Variants in KLHDC10 observed in about 807,000 individuals in gnomAD.
KLHDC10 encodes kelch domain containing 10.
KLHDC10 carries 24 observed loss-of-function variants against 56.1 expected under a neutral mutation model. The observed-to-expected ratio is 0.43, with a 90% CI of 0.31 to 0.60. The LOEUF is 0.60. Among genes scored for constraint, KLHDC10 ranks in the 20% least tolerant of loss-of-function variants. The probability of loss-of-function intolerance (pLI) is 0.11; values close to 1 mark genes in which losing one functional copy is unlikely to be tolerated. For synonymous variants in KLHDC10, 188 were observed against 207.1 expected, an observed-to-expected ratio of 0.91 and a Z score of 0.79; for missense variants, 349 against 567.0, an observed-to-expected ratio of 0.62 and a Z score of 3.91.
At chr7:130,079,301 G>A (rs942544732) in intron 1 of KLHDC10, among the ~76,000 whole-genome samples, 1 of 151,676 alleles carries the variant, frequency 6.6e-6, no homozygotes. Context: ...CAAGTGATTC[G>A]CCCACCTCGG....
intron 1 of KLHDC10, among the ~76,000 whole-genome samples, chr7:130,094,158 T>C (rs915455384): frequency 6.6e-6 from 1 of 152,150 alleles, no homozygotes; most frequent in African/African-American, 2.4e-5. Flanking sequence ...ACTCCTGGCC[T>C]CAAGTGATCT....
intron 1 of KLHDC10, among the ~76,000 whole-genome samples, chr7:130,078,032 A>G (rs1198377437): frequency 1.3e-5 from 2 of 152,038 alleles, no homozygotes; most frequent in African/African-American, 4.8e-5. Flanking sequence ...ATCATTACTG[A>G]ATAATGATAA....
At chr7:130,083,910 G>A (rs1034808746) in intron 1 of KLHDC10, among the ~76,000 whole-genome samples, 2 of 151,950 alleles carry the variant, frequency 1.3e-5, no homozygotes, top group African/African-American at 2.4e-5. Context: ...ATCCTTAGTC[G>A]TCTTTGTCAA....
intron 5 of KLHDC10, among the ~76,000 whole-genome samples, chr7:130,123,757 G>C (rs1220000581): frequency 6.6e-6 from 1 of 152,198 alleles, no homozygotes; most frequent in Non-Finnish European, 1.5e-5. Flanking sequence ...CAGCAACAAG[G>C]CCTTCAGGTA....
chr7:130,094,212 C>T (rs1795818793), intron 1 of KLHDC10, among the ~76,000 whole-genome samples: 1 of 152,168 alleles, frequency 6.6e-6, no homozygotes, highest in Admixed American at 6.5e-5. Flanking sequence ...AGGTGTGAGC[C>T]ACCACGCCAG....
intron 1 of KLHDC10, among the ~76,000 whole-genome samples, chr7:130,078,142 C>T (rs952391582): frequency 1.1e-4 from 16 of 150,456 alleles, no homozygotes; most frequent in African/African-American, 2.0e-4. Context: ...CTGAGGCGGG[C>T]GGATCACTTG....
rs960528905 is a variant in KLHDC10 at position 130,132,306 on chromosome 7, G to A, written c.*1560G>A. The A allele has an allele frequency of 2.0e-5, 3 of 152,164 alleles. No individual in the cohort carries two copies. Among genetic ancestry groups the A allele is most frequent in the Non-Finnish European group, 4.4e-5 (3 of 68,036 alleles). 9.4% of individuals were successfully genotyped at this position (152,164 alleles called of 1,614,324 possible). On this transcript the variant is annotated 3_prime_UTR_variant, in exon 10 of 10. Coordinates refer to ENST00000335420, the MANE Select transcript of KLHDC10 (RefSeq NM_014997.4). ...CCTCTTTTTTCACCTAGCTTTTAAA[G>A]TTATTCTTTGTCCTTCATCTCAGAA...
At chr7:130,121,060 G>T (rs1796241732) in intron 4 of KLHDC10, among the ~76,000 whole-genome samples, 157 bp downstream of exon 4, 1 of 152,040 alleles carries the variant, frequency 6.6e-6, no homozygotes. Flanking sequence ...ATTATAATTT[G>T]CAAATCTGGT....
chr7:130,125,505 TAC>T (rs1194952281), intron 6 of KLHDC10, among the ~76,000 whole-genome samples: 1 of 151,812 alleles, frequency 6.6e-6, no homozygotes, highest in Non-Finnish European at 1.5e-5. Context: ...ATCGCGTCAC[TAC>T]ACTCCAGCCT....
chr7:130,097,882 GAA>G (rs1795870928), intron 2 of KLHDC10, among the ~76,000 whole-genome samples: 3 of 152,078 alleles, frequency 2.0e-5, no homozygotes, highest in Admixed American at 2.0e-4. Context: ...ACTGAAAAAA[GAA>G]AATCTCAAAA....
In KLHDC10 at chr7:130,070,650, G is replaced by A; in HGVS notation, c.7G>A (p.Ala3Thr). The stretch of plus-strand genomic sequence containing the variant: ...CGGCAATCGTTAGCGGGTCATGTCG[G>A]CCGCCCAGGGCTGGGACAGGAACCG... The part of the protein sequence containing the change: MS[A>T]AQGWDRNRRR... Residue 3 changes from alanine (A) to threonine (T), a missense_variant, in exon 1 of 10, where the codon GCC becomes ACC. Coordinates refer to ENST00000335420, the MANE Select transcript of KLHDC10 (RefSeq NM_014997.4). 2 of 1,311,154 alleles carry A rather than the reference G, an allele frequency of 1.5e-6. No individual in the cohort carries two copies. Among genetic ancestry groups the A allele is most frequent in the Non-Finnish European group, 2.0e-6 (2 of 1,025,096 alleles). 81.2% of individuals were successfully genotyped at this position (1,311,154 alleles called of 1,614,324 possible). A position where few individuals can be genotyped will look rare whatever the true frequency, so the allele number is the denominator to read the frequency against.
At chr7:130,082,606 G>GT (rs796481556) in intron 1 of KLHDC10, among the ~76,000 whole-genome samples, 1 of 152,130 alleles carries the variant, frequency 6.6e-6, no homozygotes, top group African/African-American at 2.4e-5. Flanking sequence ...AACATTTTAG[G>GT]TTTTTTCCTA....
At chr7:130,124,695 CTG>C (rs1318972593) in intron 6 of KLHDC10, among the ~76,000 whole-genome samples, 160 bp downstream of exon 6, 1 of 152,202 alleles carries the variant, frequency 6.6e-6, no homozygotes, top group African/African-American at 2.4e-5. Context: ...AGGTCGAACC[CTG>C]TGCCCCAAAA....
At chr7:130,113,454 T>C (rs913123352) in intron 2 of KLHDC10, among the ~76,000 whole-genome samples, 1 of 152,094 alleles carries the variant, frequency 6.6e-6, no homozygotes, top group Non-Finnish European at 1.5e-5. Context: ...TGCCTCAGCC[T>C]TCCGAGTAGC....
chr7:130,073,124 T>A (rs1057190077), intron 1 of KLHDC10, among the ~76,000 whole-genome samples: 4 of 151,330 alleles, frequency 2.6e-5, no homozygotes, highest in African/African-American at 9.7e-5. Flanking sequence ...ACCCCAGCAC[T>A]TTGAAAGTCC....
intron 1 of KLHDC10, among the ~76,000 whole-genome samples, chr7:130,074,390 G>T (rs1265383015): frequency 1.3e-5 from 2 of 152,030 alleles, no homozygotes; most frequent in Non-Finnish European, 2.9e-5. Flanking sequence ...TACCATTTGT[G>T]TGTGATTCCT....
In KLHDC10 at chr7:130,124,553, G is replaced by GA; in HGVS notation, c.864+25dup. ...TAAACAAGGTATATTTTTTTAAAAA[G>GA]AAAAAAAGGGAGAGGGAGAAGGATA... On this transcript the variant is annotated intron_variant, in intron 6 of 9. Coordinates refer to ENST00000335420, the MANE Select transcript of KLHDC10 (RefSeq NM_014997.4). The GA allele has an allele frequency of 7.9e-7, 1 of 1,271,722 alleles. No individual in the cohort carries two copies. Among genetic ancestry groups the GA allele is most frequent in the Non-Finnish European group, 1.1e-6 (1 of 876,442 alleles). The allele number at this position is 1,271,722 out of a possible 1,614,324, so 78.8% of individuals were successfully genotyped here. A position where few individuals can be genotyped will look rare whatever the true frequency, so the allele number is the denominator to read the frequency against.
chr7:130,078,219 A>C (rs544632178), intron 1 of KLHDC10, among the ~76,000 whole-genome samples: 2 of 151,660 alleles, frequency 1.3e-5, no homozygotes, highest in African/African-American at 4.8e-5. Context: ...AACACACACA[A>C]AAAAATTAGC....
chr7:130,098,501 G>GA (rs58642096), intron 2 of KLHDC10, among the ~76,000 whole-genome samples: 1 of 151,606 alleles, frequency 6.6e-6, no homozygotes, highest in Non-Finnish European at 1.5e-5. Context: ...CCAAAAAAAA[G>GA]AAAAAAAATT....
Sources: gnomAD v4.1 joint callset for allele counts (sites outside exome capture counted in the v4.1 genomes callset) on GRCh38, gnomAD v4.1.1 for gene constraint, MANE v1.5 for transcripts, NCBI Gene and HGNC (gene_info 2026-07-23, HGNC 2026-07-21) for gene names.